Variants in OPN5 observed in about 807,000 individuals in gnomAD.
OPN5 encodes the protein opsin 5.
Under a neutral mutation model 41.7 loss-of-function variants are expected in OPN5, and 18 were observed. The ratio of observed to expected loss-of-function variants is 0.43; its 90% CI spans 0.30 to 0.64. OPN5 has a LOEUF of 0.64. Ranked by LOEUF, OPN5 falls within the 30% of genes least tolerant of loss-of-function variation. The pLI is 0.13. For synonymous variants in OPN5, 178 were observed against 164.3 expected, an observed-to-expected ratio of 1.08 and a Z score of -0.64; for missense variants, 318 against 434.5, an observed-to-expected ratio of 0.73 and a Z score of 2.38.
chr6:47,784,652 G>A (rs1320974091), intron 1 of OPN5, among the ~76,000 whole-genome samples: 1 of 152,028 alleles, frequency 6.6e-6, no homozygotes, highest in Admixed American at 6.6e-5. Context: ...AAACATTCTT[G>A]GTGGGCTTTG....
At chr6:47,792,350 A>G (rs1431428225) in intron 3 of OPN5, among the ~76,000 whole-genome samples, 5 of 152,342 alleles carry the variant, frequency 3.3e-5, no homozygotes, top group African/African-American at 1.2e-4. Flanking sequence ...ATTATAAGAA[A>G]AGCTGTTTAA....
At chr6:47,817,741 TG>T (rs1409968890) in intron 6 of OPN5, among the ~76,000 whole-genome samples, 5 of 152,200 alleles carry the variant, frequency 3.3e-5, no homozygotes, top group African/African-American at 1.2e-4. Flanking sequence ...AGAGGTGTCC[TG>T]AGAAATAGTA....
At chr6:47,822,815 G>T (rs778304559) in intron 6 of OPN5, among the ~76,000 whole-genome samples, 22 of 152,104 alleles carry the variant, frequency 1.4e-4, no homozygotes, top group Middle Eastern at 3.2e-3. Context: ...TGTTAGTTTG[G>T]TTGATTGTTT....
intron 4 of OPN5, among the ~76,000 whole-genome samples, chr6:47,799,716 C>A (rs6458594): frequency 6.6e-6 from 1 of 152,050 alleles, no homozygotes; most frequent in Non-Finnish European, 1.5e-5. Flanking sequence ...GTTCTTCCAC[C>A]CTGACCCCGG....
intron 2 of OPN5, chr6:47,786,968 C>A: frequency 1.6e-6 from 1 of 609,642 alleles, no homozygotes. Context: ...AATCCCAGGT[C>A]AGTATTTTAA....
intron 5 of OPN5, among the ~76,000 whole-genome samples, chr6:47,809,744 G>T (rs1194439252): frequency 6.6e-6 from 1 of 152,172 alleles, no homozygotes; most frequent in African/African-American, 2.4e-5. Context: ...CTGTTGAATT[G>T]AACAGTTAAA....
intron 3 of OPN5, among the ~76,000 whole-genome samples, chr6:47,792,361 G>A (rs1380968913): frequency 2.6e-5 from 4 of 152,206 alleles, no homozygotes; most frequent in Non-Finnish European, 4.4e-5. Flanking sequence ...AGCTGTTTAA[G>A]ATTCTCCCTT....
At chr6:47,812,612 G>C (rs758573034) in intron 6 of OPN5, among the ~76,000 whole-genome samples, 3 of 152,044 alleles carry the variant, frequency 2.0e-5, no homozygotes, top group Admixed American at 6.6e-5. Flanking sequence ...AAAGGAGAAG[G>C]CACGTAGATA....
chr6:47,819,536 TTCA>T (rs1762539939), intron 6 of OPN5, among the ~76,000 whole-genome samples: 1 of 151,146 alleles, frequency 6.6e-6, no homozygotes, highest in African/African-American at 2.4e-5. Context: ...TTATTAACAG[TTCA>T]TCATTCAATA....
chr6:47,808,046 C>T lies in OPN5; in HGVS notation c.757-108C>T, dbSNP rs945198112. On this transcript the variant is annotated intron_variant, in intron 4 of 6. Transcript: ENST00000371211. Reference sequence around the variant, plus strand: ...CAAAGTAAATGAAAACAATGACAGACTTTCTTGGCTGTGAGAGGTGACCTG... The same window carrying T: ...CAAAGTAAATGAAAACAATGACAGATTTTCTTGGCTGTGAGAGGTGACCTG... The T allele has an allele frequency of 7.0e-6, 7 of 1,000,880 alleles. No individual in the cohort carries two copies. The East Asian group carries it at 1.4e-4, about 20-fold the overall frequency. The allele number at this position is 1,000,880 out of a possible 1,614,324, so 62.0% of individuals were successfully genotyped here. A position where few individuals can be genotyped will look rare whatever the true frequency, so the allele number is the denominator to read the frequency against.
At chr6:47,812,264 G>T (rs954369330) in intron 6 of OPN5, among the ~76,000 whole-genome samples, 101 of 152,144 alleles carry the variant, frequency 6.6e-4, no homozygotes, top group African/African-American at 2.1e-3. Flanking sequence ...AATCAGTTTT[G>T]CCTTAAATCA....
intron 1 of OPN5, 114 bp downstream of exon 1, chr6:47,782,310 G>C: frequency 1.0e-6 from 1 of 962,624 alleles, no homozygotes; most frequent in Non-Finnish European, 1.6e-6. Context: ...TGGAGGCGAA[G>C]AGTGGGGAAA....
chr6:47,783,869 G>A (rs1773136189), intron 1 of OPN5, among the ~76,000 whole-genome samples: 1 of 152,118 alleles, frequency 6.6e-6, no homozygotes, highest in African/African-American at 2.4e-5. Context: ...TCACTTTCAA[G>A]GAATGAATTA....
At chr6:47,797,790 C>G (rs1773624729) in intron 4 of OPN5, among the ~76,000 whole-genome samples, 1 of 152,188 alleles carries the variant, frequency 6.6e-6, no homozygotes, top group African/African-American at 2.4e-5. Flanking sequence ...GTCCTGATTG[C>G]CATGAGGCTC....
At chr6:47,806,169 C>G (rs1255400347) in intron 4 of OPN5, among the ~76,000 whole-genome samples, 3 of 151,936 alleles carry the variant, frequency 2.0e-5, no homozygotes, top group African/African-American at 7.3e-5. Context: ...AACAAACGAA[C>G]AAACAAACAA....
intron 3 of OPN5, chr6:47,795,005 C>A (rs1415703799): frequency 2.1e-6 from 1 of 470,974 alleles, no homozygotes; most frequent in African/African-American, 1.9e-5. Context: ...TCCCAAAGCT[C>A]CCAGATGCCT....
intron 3 of OPN5, among the ~76,000 whole-genome samples, chr6:47,793,386 A>T (rs1223156212): frequency 1.3e-5 from 2 of 152,176 alleles, no homozygotes; most frequent in African/African-American, 4.8e-5. Flanking sequence ...GAACCTCAGT[A>T]GTGTGGTTTC....
At chr6:47,787,004 A>G (rs1310942049) in intron 2 of OPN5, 1 of 953,684 alleles carries the variant, frequency 1.0e-6, no homozygotes, top group African/African-American at 1.8e-5. Flanking sequence ...TTCAACCCTT[A>G]TGGAAGTCTG....
chr6:47,785,360 C>CCATTA (rs1463224607), intron 1 of OPN5, among the ~76,000 whole-genome samples: 1 of 152,072 alleles, frequency 6.6e-6, no homozygotes, highest in African/African-American at 2.4e-5. Context: ...TTTTAATGGA[C>CCATTA]CATTAAGCAG....
Sources: allele counts gnomAD v4.1 joint callset (sites outside exome capture counted in the v4.1 genomes callset), GRCh38; gene constraint gnomAD v4.1.1; transcripts MANE v1.5; gene names NCBI Gene and HGNC (gene_info 2026-07-23, HGNC 2026-07-21).